Variants in RHBDD1 observed in about 807,000 individuals in gnomAD.
RHBDD1 encodes the protein rhomboid-related protein 4.
A neutral mutation model predicts 36.3 loss-of-function variants in RHBDD1; 38 were observed. That is an observed-to-expected ratio of 1.05 (90% confidence interval 0.81 to 1.37). The LOEUF (loss-of-function observed/expected upper bound fraction) is 1.37, where lower values mean the gene tolerates loss of function less well. RHBDD1 is among the 40% of genes most tolerant of loss of function. The pLI is 0.00. For missense variants in RHBDD1, 393 were observed against 377.6 expected (o/e 1.04, Z -0.34); for synonymous variants, 151 against 136.5 (o/e 1.11, Z -0.74).
chr2:226,894,509 G>A (rs191261216), intron 5 of RHBDD1, among the ~76,000 whole-genome samples: 1 of 152,276 alleles, frequency 6.6e-6, no homozygotes, highest in Non-Finnish European at 1.5e-5. Flanking sequence ...GATGTCAAGT[G>A]ATCTGCCTGC....
At chr2:226,832,464 G>C (rs897096599), upstream of RHBDD1, among the ~76,000 whole-genome samples, 2 of 152,176 alleles carry the variant, frequency 1.3e-5, no homozygotes, top group African/African-American at 4.8e-5. Flanking sequence ...AAGTACAGTG[G>C]TCTGTACATG....
chr2:226,992,651 G>A (rs1958501198), intron 8 of RHBDD1, among the ~76,000 whole-genome samples: 1 of 152,176 alleles, frequency 6.6e-6, no homozygotes, highest in Non-Finnish European at 1.5e-5. Context: ...TGAGAACTTA[G>A]ACTGGAACTT....
the RHBDD1 span, among the ~76,000 whole-genome samples, chr2:226,826,517 A>AT: frequency 0.74 from 90,624 of 122,082 alleles, 36,265 homozygotes; most frequent in Non-Finnish European, 0.87. Context: ...ATCATGATAG[A>AT]TTTTTTTTTT....
At chr2:226,812,776 T>C in the RHBDD1 span, among the ~76,000 whole-genome samples, 10 of 152,370 alleles carry the variant, frequency 6.6e-5, no homozygotes, top group South Asian at 1.0e-3. Flanking sequence ...ATATTGCTTG[T>C]TTTGTTTTGT....
chr2:226,826,236 T>C, the RHBDD1 span, among the ~76,000 whole-genome samples: 15 of 152,214 alleles, frequency 9.9e-5, no homozygotes, highest in Non-Finnish European at 2.1e-4. Flanking sequence ...AATCAGGGAA[T>C]GGCTGATCTA....
At chr2:226,876,786 T>A (rs1945274345) in intron 5 of RHBDD1, among the ~76,000 whole-genome samples, 2 of 152,138 alleles carry the variant, frequency 1.3e-5, no homozygotes, top group Non-Finnish European at 2.9e-5. Flanking sequence ...TTAAAAAAAA[T>A]TAATATAATT....
At chr2:226,878,026 C>T (rs1262374563) in intron 5 of RHBDD1, among the ~76,000 whole-genome samples, 1 of 152,112 alleles carries the variant, frequency 6.6e-6, no homozygotes. Context: ...ATAGTTTTGA[C>T]TTTGTGAACC....
chr2:226,903,336 T>C (rs1234337967), intron 5 of RHBDD1, among the ~76,000 whole-genome samples: 3 of 152,236 alleles, frequency 2.0e-5, no homozygotes, highest in African/African-American at 7.2e-5. Context: ...CTGCATAGCA[T>C]GGTGAAATCT....
intron 3 of RHBDD1, among the ~76,000 whole-genome samples, chr2:226,848,125 T>A (rs1330688838): frequency 1.3e-5 from 2 of 152,246 alleles, no homozygotes; most frequent in Non-Finnish European, 2.9e-5. Flanking sequence ...AAACGGATTT[T>A]TTTTTAAGCT....
chr2:226,970,199 T>C (rs1953187255), intron 8 of RHBDD1, among the ~76,000 whole-genome samples: 1 of 151,982 alleles, frequency 6.6e-6, no homozygotes, highest in Non-Finnish European at 1.5e-5. Flanking sequence ...GAATTGAATG[T>C]ATTTTCCCCT....
chr2:226,945,609 G>A (rs1057246802), intron 8 of RHBDD1, among the ~76,000 whole-genome samples: 1 of 152,000 alleles, frequency 6.6e-6, no homozygotes, highest in African/African-American at 2.4e-5. Flanking sequence ...GAGTAGTGCC[G>A]CGGTAAACAT....
chr2:226,896,744 C>T (rs1027489285), intron 5 of RHBDD1, among the ~76,000 whole-genome samples: 9 of 151,976 alleles, frequency 5.9e-5, no homozygotes, highest in Non-Finnish European at 1.2e-4. Context: ...CCTTATGTAC[C>T]GTGAGTTTCT....
chr2:226,843,497 C>T lies in RHBDD1; in HGVS notation c.-91+3870C>T, dbSNP rs187347718. 3.7e-4 allele frequency among the ~76,000 whole-genome samples: 56 copies of T among 152,204 alleles called. 2 individuals are homozygous for T. The highest frequency in any genetic ancestry group is 3.5e-3 in the Admixed American group (54 of 15,286). On this transcript the variant is annotated intron_variant, in intron 3 of 8. Transcript: ENST00000392062. ...AACATGAAGGGATGTTGAATTTTAT[C>T]GAAGGCCTTTTCTGCATCAGTTGAG...
chr2:226,838,515 T>C lies in RHBDD1; in HGVS notation c.-310+361T>C, dbSNP rs115685359. Among the ~76,000 whole-genome samples, 1,205 of 152,294 alleles carry C rather than the reference T, an allele frequency of 7.9e-3. 9 individuals are homozygous for C. The highest frequency in any genetic ancestry group is 0.027 in the African/African-American group (1,127 of 41,544). ...TTGAATTTCTGTAAAGTAGGAGTCA[T>C]AGGATGTGCTACTTCAGGCCATTGA... is the stretch of plus-strand genomic sequence containing the variant. On this transcript the variant is annotated intron_variant, in intron 2 of 8. Transcript: ENST00000392062.
At position 226,877,192 on chromosome 2, in the gene RHBDD1, G is replaced by T. The variant is rs576726447; in HGVS notation, c.566+9874G>T. On this transcript the variant is annotated intron_variant, in intron 5 of 8. Transcript: ENST00000392062. ...AAACCATATCAGTGAACCTGACCAC[G>T]TTCTGTAACATTAAAATCTGTTGAT... Among the ~76,000 whole-genome samples the T allele has an allele frequency of 3.9e-5, 6 of 152,278 alleles. No individual in the cohort carries two copies. The South Asian group carries it at 1.2e-3, about 32-fold the overall frequency.
At chr2:226,957,835 G>T (rs775323405) in intron 8 of RHBDD1, among the ~76,000 whole-genome samples, 1 of 151,852 alleles carries the variant, frequency 6.6e-6, no homozygotes, top group South Asian at 2.1e-4. Context: ...GATCAAAACC[G>T]CAATGAGATA....
intron 3 of RHBDD1, among the ~76,000 whole-genome samples, chr2:226,846,863 C>T (rs1462145421): frequency 1.3e-5 from 2 of 151,336 alleles, no homozygotes. Context: ...TATGTAAGTA[C>T]TATATATGTA....
At chr2:226,816,584 T>C in the RHBDD1 span, among the ~76,000 whole-genome samples, 2 of 152,086 alleles carry the variant, frequency 1.3e-5, no homozygotes, top group East Asian at 3.9e-4. Flanking sequence ...GTTTACAGAT[T>C]ATACCAAGAA....
intron 8 of RHBDD1, among the ~76,000 whole-genome samples, chr2:226,924,567 C>G (rs1184214558): frequency 6.6e-6 from 1 of 152,154 alleles, no homozygotes; most frequent in Non-Finnish European, 1.5e-5. Flanking sequence ...GCTCTGAGCC[C>G]AGCACAGCAC....
Sources: allele counts gnomAD v4.1 joint callset (sites outside exome capture counted in the v4.1 genomes callset), GRCh38; gene constraint gnomAD v4.1.1; transcripts MANE v1.5; gene names NCBI Gene and HGNC (gene_info 2026-07-23, HGNC 2026-07-21).